The following SHROOM3 variants were observed in gnomAD, a reference collection of about 807,000 sequenced individuals.
SHROOM3 encodes protein Shroom3.
SHROOM3 carries 47 observed loss-of-function variants against 138.6 expected under a neutral mutation model. That is an observed-to-expected ratio of 0.34 (90% CI 0.27 to 0.43). The LOEUF is 0.43. Among genes scored for constraint, SHROOM3 ranks in the 20% least tolerant of loss-of-function variants. The pLI is 1.00. For missense variants in SHROOM3, 2,491 were observed against 2,596.5 expected, an observed-to-expected ratio of 0.96 and a Z score of 0.88; for synonymous variants, 1,062 against 1,063.3, an observed-to-expected ratio of 1.00 and a Z score of 0.02.
intron 3 of SHROOM3, among the ~76,000 whole-genome samples, chr4:76,727,050 C>T (rs1319129416): frequency 1.3e-5 from 2 of 152,124 alleles, no homozygotes; most frequent in Non-Finnish European, 2.9e-5. Context: ...TACCCAGTCC[C>T]GGGGCTAATT....
rs1165028492 is a variant in SHROOM3 at position 76,448,257 on chromosome 4, C to T, written c.168+12037C>T. Among the ~76,000 whole-genome samples the T allele has an allele frequency of 2.0e-5, 3 of 152,136 alleles. No homozygotes were observed. In the East Asian group the frequency reaches 5.8e-4, roughly 29 times the overall value. ...CATTAGTTATCATATTTAGTCAACA[C>T]ATCATTTATTGAGTGCCTAAAATCT... On this transcript the variant is annotated intron_variant, in intron 1 of 10. Transcript: ENST00000296043.
chr4:76,554,679 C>T (rs1266763448), intron 1 of SHROOM3, among the ~76,000 whole-genome samples: 6 of 152,094 alleles, frequency 3.9e-5, no homozygotes, highest in Non-Finnish European at 8.8e-5. Context: ...CTTAGCTTCC[C>T]AAAGTGCTGG....
rs541934594 is a variant in SHROOM3, at chr4:76,444,558, A to G, written c.168+8338A>G. Among the ~76,000 whole-genome samples, 8 of 127,448 alleles carry G rather than the reference A, an allele frequency of 6.3e-5. No homozygotes were observed. In the South Asian group the frequency reaches 2.0e-3, roughly 32 times the overall value. 83.6% of individuals were successfully genotyped at this position (127,448 alleles called of 152,430 possible). ...GCCCAGGCTGGAGTGCAGTGACACGATGATCTTGGCTCACTGCAACCTCCA... is the reference window on the plus strand; with the variant it reads ...GCCCAGGCTGGAGTGCAGTGACACGGTGATCTTGGCTCACTGCAACCTCCA... On this transcript the variant is annotated intron_variant, in intron 1 of 10. Transcript: ENST00000296043.
chr4:76,633,280 G>A (rs1264066944), intron 2 of SHROOM3, among the ~76,000 whole-genome samples: 1 of 147,084 alleles, frequency 6.8e-6, no homozygotes, highest in Non-Finnish European at 1.5e-5. Flanking sequence ...AGTGGAGGTT[G>A]CAGTGGAGGG....
chr4:76,701,204 A>G (rs1322261285), intron 2 of SHROOM3, among the ~76,000 whole-genome samples: 2 of 152,154 alleles, frequency 1.3e-5, no homozygotes, highest in Non-Finnish European at 2.9e-5. Flanking sequence ...TCATTTCTCT[A>G]GATCTAGGGA....
chr4:76,634,356 A>G (rs960217476), intron 2 of SHROOM3, among the ~76,000 whole-genome samples: 4 of 152,166 alleles, frequency 2.6e-5, no homozygotes, highest in Non-Finnish European at 5.9e-5. Flanking sequence ...AGTGCCCTAG[A>G]CTGGAATTAT....
At chr4:76,699,215 T>C (rs1252854172) in intron 2 of SHROOM3, among the ~76,000 whole-genome samples, 5 of 152,196 alleles carry the variant, frequency 3.3e-5, no homozygotes, top group Non-Finnish European at 7.4e-5. Flanking sequence ...TACAAATCCT[T>C]TGTGTGCCTC....
In SHROOM3 at chr4:76,741,052, G is replaced by A; in HGVS notation, c.2879G>A (p.Arg960Gln). 19 of 1,496,214 alleles carry A rather than the reference G, an allele frequency of 1.3e-5. No homozygotes were observed. The highest frequency in any genetic ancestry group is 1.7e-5 in the Non-Finnish European group (19 of 1,127,626). The allele number at this position is 1,496,214 out of a possible 1,614,324, so 92.7% of individuals were successfully genotyped here. Residue 960 changes from arginine to glutamine, a missense_variant, in exon 5 of 11, where the codon CGG becomes CAG. Physicochemically the swap from Arg to Gln is conservative, Grantham distance 43. Transcript: ENST00000296043. This position sits in a 1 kb window ranked among gnomAD's most constrained non-coding sequence, Gnocchi z 6.2. ...GTGGCGTCGAGGTCCTGGCGGCCAC[G>A]GCCTTCCTCGGCCCACGTGGGGCTG... ...APVASRSWRP[R>Q]PSSAHVGLRS...
chr4:76,594,452 C>G, intron 2 of SHROOM3, among the ~76,000 whole-genome samples: 1 of 152,134 alleles, frequency 6.6e-6, no homozygotes, highest in Non-Finnish European at 1.5e-5. Flanking sequence ...AAATGCCATC[C>G]TAGTCTCAAG....
In SHROOM3 at chr4:76,436,092, A is replaced by G. The variant is rs879246777; in HGVS notation, c.40A>G (p.Thr14Ala). 4 of 1,614,058 alleles carry G rather than the reference A, an allele frequency of 2.5e-6. No individual in the cohort carries two copies. In the South Asian group the frequency reaches 3.3e-5, roughly 13 times the overall value. ...TGAAGACTTCCACAAGCCTAGTGCC[A>G]CATTAAACTCTAACACGGCCACCAA... The part of the protein sequence containing the change: ...TTEDFHKPSA[T>A]LNSNTATKGR... The change falls in exon 1 of 11, where the codon ACA (threonine) becomes GCA (alanine). Residue 14 changes from threonine to alanine, a missense_variant. Thr to Ala is a moderately conservative substitution (Grantham distance 58). This residue lies in a region of SHROOM3 where 284 missense variants were observed against 322.8 expected (regional missense o/e 0.88). Transcript: ENST00000296043.
In SHROOM3 at chr4:76,738,841, T is replaced by C; in HGVS notation, c.668T>C (p.Met223Thr). The change falls in exon 5 of 11, where the codon ATG (methionine) becomes ACG (threonine). Residue 223 changes from methionine to threonine, a missense_variant. Coordinates refer to ENST00000296043, the MANE Select transcript of SHROOM3 (RefSeq NM_020859.4). ...SPDQCSSQGS[M>T]ESLEPSGAYP... Reference sequence around the variant, plus strand: ...GACCAGTGCAGCTCCCAGGGGAGCATGGAGAGCCTGGAGCCCAGTGGGGCA... The same window carrying C: ...GACCAGTGCAGCTCCCAGGGGAGCACGGAGAGCCTGGAGCCCAGTGGGGCA... The C allele has an allele frequency of 1.9e-6, 3 of 1,614,054 alleles. No homozygotes were observed. In the South Asian group the frequency reaches 3.3e-5, roughly 18 times the overall value.
chr4:76,452,000 C>T (rs925563766), intron 1 of SHROOM3, among the ~76,000 whole-genome samples: 1 of 152,190 alleles, frequency 6.6e-6, no homozygotes, highest in African/African-American at 2.4e-5. Context: ...GCCACCATGT[C>T]TAGCAGAAAT....
intron 3 of SHROOM3, among the ~76,000 whole-genome samples, chr4:76,717,157 T>G (rs1720398763): frequency 1.3e-5 from 2 of 152,186 alleles, no homozygotes; most frequent in Admixed American, 6.5e-5. Flanking sequence ...TTCAATCTTT[T>G]ACTCCACTCT....
intron 3 of SHROOM3, among the ~76,000 whole-genome samples, chr4:76,730,390 A>G (rs1174489311): frequency 6.6e-6 from 1 of 152,200 alleles, no homozygotes; most frequent in Non-Finnish European, 1.5e-5. Flanking sequence ...CATATATCCA[A>G]AGCCCTTTGG....
chr4:76,522,151 CTT>C (rs35818041), intron 1 of SHROOM3, among the ~76,000 whole-genome samples: 11 of 140,476 alleles, frequency 7.8e-5, no homozygotes, highest in South Asian at 2.2e-4. Flanking sequence ...CTGATTGGAT[CTT>C]TTTTTTTTTT....
chr4:76,534,913 A>T (rs1441911076), intron 1 of SHROOM3, among the ~76,000 whole-genome samples: 2 of 152,172 alleles, frequency 1.3e-5, no homozygotes, highest in East Asian at 3.9e-4. Flanking sequence ...GACCATGGAA[A>T]AGATTTACTC....
At chr4:76,689,922 G>A (rs1719468859) in intron 2 of SHROOM3, among the ~76,000 whole-genome samples, 1 of 152,240 alleles carries the variant, frequency 6.6e-6, no homozygotes, top group Non-Finnish European at 1.5e-5. Context: ...CAGAGAGGCA[G>A]TAGCTGCCAC....
At chr4:76,460,827 C>CAAAAAAAGAAAAAAA (rs1731125739) in intron 1 of SHROOM3, among the ~76,000 whole-genome samples, 1 of 78,770 alleles carries the variant, frequency 1.3e-5, no homozygotes, top group African/African-American at 4.3e-5. Flanking sequence ...CCCGTATCTA[C>CAAAAAAAGAAAAAAA]AAAAAAAAAA....
intron 1 of SHROOM3, among the ~76,000 whole-genome samples, chr4:76,544,676 C>T (rs567889538): frequency 2.0e-5 from 3 of 152,216 alleles, no homozygotes; most frequent in African/African-American, 4.8e-5. Context: ...GGATTACAGG[C>T]GTGAGCCACT....
Sources: gnomAD v4.1 joint callset for allele counts (sites outside exome capture counted in the v4.1 genomes callset) on GRCh38, gnomAD v4.1.1 for gene constraint, gnomAD v4.1.1 regional missense constraint, Gnocchi (gnomAD v3.1) non-coding constraint, MANE v1.5 for transcripts, NCBI Gene and HGNC (gene_info 2026-07-23, HGNC 2026-07-21) for gene names.